The following SCHIP1 variants were observed in gnomAD, a reference collection of about 807,000 sequenced individuals.
The protein encoded by SCHIP1 is schwannomin-interacting protein 1.
Under a neutral mutation model 29.7 loss-of-function variants are expected in SCHIP1, and 8 were observed. That is an observed-to-expected ratio of 0.27 (90% CI 0.16 to 0.49). The LOEUF is 0.49. Among genes scored for constraint, SCHIP1 ranks in the 20% least tolerant of loss-of-function variants. The pLI is 0.99. For synonymous variants in SCHIP1, 76 were observed against 94.9 expected (o/e 0.80, Z 1.16); for missense variants, 193 against 294.6 (o/e 0.66, Z 2.52).
chr3:159,435,444 G>A, the SCHIP1 span, among the ~76,000 whole-genome samples: 1 of 152,028 alleles, frequency 6.6e-6, no homozygotes, highest in South Asian at 2.1e-4. Context: ...GCCCTCATAT[G>A]GAATCCTGGA....
chr3:159,652,598 C>G, the SCHIP1 span, among the ~76,000 whole-genome samples: 2 of 152,034 alleles, frequency 1.3e-5, no homozygotes, highest in East Asian at 3.9e-4. Flanking sequence ...CAATAAGTGC[C>G]ATGAAGGACA....
chr3:159,420,463 G>A, the SCHIP1 span, among the ~76,000 whole-genome samples: 1 of 152,180 alleles, frequency 6.6e-6, no homozygotes, highest in Non-Finnish European at 1.5e-5. Context: ...TAAACCAAGA[G>A]TTAGGAACAG....
the SCHIP1 span, among the ~76,000 whole-genome samples, chr3:159,807,854 AC>A: frequency 3.9e-5 from 6 of 152,170 alleles, no homozygotes; most frequent in South Asian, 2.1e-4. Context: ...CCTCCCAATA[AC>A]CCTGTAAGGC....
At chr3:159,618,856 G>A in the SCHIP1 span, among the ~76,000 whole-genome samples, 1,027 of 152,308 alleles carry the variant, frequency 6.7e-3, 11 homozygotes, top group African/African-American at 0.023. Flanking sequence ...TGCTCCTGGT[G>A]GGCTGTTGAT....
At chr3:159,687,739 A>G in the SCHIP1 span, among the ~76,000 whole-genome samples, 2 of 152,072 alleles carry the variant, frequency 1.3e-5, no homozygotes, top group Non-Finnish European at 2.9e-5. Flanking sequence ...TCCTAGTGCT[A>G]TCCCTCCCCT....
the SCHIP1 span, among the ~76,000 whole-genome samples, chr3:159,801,084 C>T: frequency 6.6e-6 from 1 of 151,520 alleles, no homozygotes; most frequent in Non-Finnish European, 1.5e-5. Flanking sequence ...TCTTCCTTTT[C>T]ACTCCCCAGT....
At chr3:159,798,986 T>C in the SCHIP1 span, among the ~76,000 whole-genome samples, 1 of 152,208 alleles carries the variant, frequency 6.6e-6, no homozygotes, top group Admixed American at 6.5e-5. Flanking sequence ...TCCTGGAATT[T>C]TCCACCAAGT....
At chr3:159,739,103 T>C in the SCHIP1 span, among the ~76,000 whole-genome samples, 5 of 152,198 alleles carry the variant, frequency 3.3e-5, no homozygotes, top group Non-Finnish European at 7.3e-5. Flanking sequence ...AGGACACCAT[T>C]GGCTTCTAGT....
chr3:159,434,276 C>A, the SCHIP1 span, among the ~76,000 whole-genome samples: 1 of 152,112 alleles, frequency 6.6e-6, no homozygotes, highest in Admixed American at 6.6e-5. Flanking sequence ...TTTGCAGAAT[C>A]CTGGGTCCCT....
the SCHIP1 span, among the ~76,000 whole-genome samples, chr3:159,466,496 A>G: frequency 6.6e-6 from 1 of 152,126 alleles, no homozygotes; most frequent in South Asian, 2.1e-4. Flanking sequence ...AAGCCCTGAA[A>G]AGGTACCTAT....
the SCHIP1 span, among the ~76,000 whole-genome samples, chr3:159,797,878 A>G: frequency 6.6e-6 from 1 of 152,216 alleles, no homozygotes; most frequent in Admixed American, 6.5e-5. Context: ...TATAGAGAGG[A>G]AAGGGTGGAG....
chr3:159,839,501 A>C (rs1439541430), upstream of SCHIP1, among the ~76,000 whole-genome samples: 1 of 152,068 alleles, frequency 6.6e-6, no homozygotes, highest in Admixed American at 6.5e-5. Context: ...AAGACCTTTT[A>C]GTTATAAAGT....
the SCHIP1 span, among the ~76,000 whole-genome samples, chr3:159,440,213 A>T: frequency 6.6e-6 from 1 of 152,060 alleles, no homozygotes; most frequent in Non-Finnish European, 1.5e-5. Flanking sequence ...GATTGTTCAT[A>T]GGTATGCAGT....
the SCHIP1 span, among the ~76,000 whole-genome samples, chr3:159,693,551 T>G: frequency 6.6e-6 from 1 of 152,218 alleles, no homozygotes; most frequent in Non-Finnish European, 1.5e-5. Context: ...GAGAGTATAG[T>G]GTCTCTTTCA....
chr3:159,465,325 G>GTA, the SCHIP1 span, among the ~76,000 whole-genome samples: 1 of 151,400 alleles, frequency 6.6e-6, no homozygotes, highest in Admixed American at 6.6e-5. Context: ...TTGTGTGTGT[G>GTA]TGTGTGTGTG....
chr3:159,291,670 A>C, the SCHIP1 span, among the ~76,000 whole-genome samples: 1 of 152,260 alleles, frequency 6.6e-6, no homozygotes, highest in South Asian at 2.1e-4. Context: ...CTGTAATTCA[A>C]CCCAAAGTAC....
chr3:159,451,543 A>G, the SCHIP1 span, among the ~76,000 whole-genome samples: 1 of 152,250 alleles, frequency 6.6e-6, no homozygotes, highest in Non-Finnish European at 1.5e-5. Context: ...AGATTATACC[A>G]TTTCTGTTGG....
intron 1 of SCHIP1, among the ~76,000 whole-genome samples, chr3:159,857,574 C>T (rs1330078195): frequency 6.6e-6 from 1 of 152,114 alleles, no homozygotes; most frequent in Non-Finnish European, 1.5e-5. Context: ...ACCCCGTACC[C>T]ATCAGGAGTC....
At chr3:159,437,837 A>T in the SCHIP1 span, among the ~76,000 whole-genome samples, 1 of 152,176 alleles carries the variant, frequency 6.6e-6, no homozygotes. Context: ...GGAATCTTTG[A>T]GAAAGATACT....
Sources: allele counts gnomAD v4.1 joint callset (sites outside exome capture counted in the v4.1 genomes callset), GRCh38; gene constraint gnomAD v4.1.1; transcripts MANE v1.5; gene names NCBI Gene and HGNC (gene_info 2026-07-23, HGNC 2026-07-21).